The following AGBL4 variants were observed in gnomAD, a reference collection of about 807,000 sequenced individuals.
AGBL4 encodes the protein cytosolic carboxypeptidase 6.
In AGBL4, 58 loss-of-function variants were observed where a neutral mutation model predicts 66.4. The ratio of observed to expected loss-of-function variants is 0.87; its 90% CI spans 0.71 to 1.09. AGBL4 has a LOEUF of 1.09. Among genes scored for constraint, AGBL4 ranks in the 50% least tolerant of loss-of-function variants. The probability of loss-of-function intolerance (pLI) is 0.00; values close to 1 mark genes in which losing one functional copy is unlikely to be tolerated. For synonymous variants in AGBL4, 234 were observed against 222.9 expected (o/e 1.05, Z -0.44); for missense variants, 579 against 631.0 (o/e 0.92, Z 0.88).
rs535301039 is a variant in AGBL4, at chr1:49,471,669, C to A, written c.282+225644G>T. 2.4e-4 allele frequency among the ~76,000 whole-genome samples: 36 copies of A among 151,880 alleles called. 2 individuals are homozygous for A. The highest frequency in any genetic ancestry group is 7.7e-4 in the African/African-American group (32 of 41,464). ...GTAGGTACAAACAAACAAAAGCCAA[C>A]AAAAATCTGTTCCCTAGACAAAGGA... On this transcript the variant is annotated intron_variant, in intron 3 of 13. Transcript: ENST00000371839.
intron 6 of AGBL4, among the ~76,000 whole-genome samples, chr1:48,690,732 G>T (rs1179155414): frequency 6.6e-6 from 1 of 152,176 alleles, no homozygotes; most frequent in East Asian, 1.9e-4. Flanking sequence ...AGGTAGGAGA[G>T]TAAGCAAAGG....
chr1:48,610,556 T>C (rs1413526358), intron 9 of AGBL4, among the ~76,000 whole-genome samples: 2 of 152,180 alleles, frequency 1.3e-5, no homozygotes, highest in African/African-American at 4.8e-5. Context: ...AAAGATGATA[T>C]TTAAATAAAT....
At chr1:49,582,759 T>C (rs1644569209) in intron 3 of AGBL4, among the ~76,000 whole-genome samples, 1 of 152,180 alleles carries the variant, frequency 6.6e-6, no homozygotes, top group Non-Finnish European at 1.5e-5. Flanking sequence ...TGTTATCTCT[T>C]ATAGTTTTCT....
At chr1:49,954,606 T>C (rs1246607588) in intron 1 of AGBL4, among the ~76,000 whole-genome samples, 1 of 152,136 alleles carries the variant, frequency 6.6e-6, no homozygotes, top group African/African-American at 2.4e-5. Flanking sequence ...CCTCAAGTAT[T>C]CTGTTATAGT....
At chr1:49,706,839 T>C (rs987736713) in intron 2 of AGBL4, among the ~76,000 whole-genome samples, 3 of 152,174 alleles carry the variant, frequency 2.0e-5, no homozygotes, top group South Asian at 2.1e-4. Context: ...TCAGTTTCCA[T>C]GTAGTTGTAT....
intron 4 of AGBL4, among the ~76,000 whole-genome samples, chr1:49,188,896 A>G (rs952022635): frequency 2.0e-5 from 3 of 152,204 alleles, no homozygotes; most frequent in Admixed American, 6.6e-5. Flanking sequence ...AAAATCAGAA[A>G]GAACACAGTG....
chr1:49,006,113 A>G (rs1296868135), intron 5 of AGBL4, among the ~76,000 whole-genome samples: 1 of 152,056 alleles, frequency 6.6e-6, no homozygotes, highest in African/African-American at 2.4e-5. Flanking sequence ...CATCTGAGGT[A>G]CCGGGTTCAT....
chr1:49,590,622 C>A (rs1385709265), intron 3 of AGBL4, among the ~76,000 whole-genome samples: 1 of 151,924 alleles, frequency 6.6e-6, no homozygotes, highest in African/African-American at 2.4e-5. Context: ...AAAATGAATA[C>A]ATAGAAAAAT....
intron 6 of AGBL4, among the ~76,000 whole-genome samples, chr1:48,666,234 C>G (rs1028828732): frequency 1.3e-5 from 2 of 152,146 alleles, no homozygotes; most frequent in Non-Finnish European, 2.9e-5. Flanking sequence ...ACCCCACCCC[C>G]TCCTGTCACC....
At chr1:49,324,231 GA>G (rs1451630565) in intron 3 of AGBL4, among the ~76,000 whole-genome samples, 1 of 152,140 alleles carries the variant, frequency 6.6e-6, no homozygotes, top group Non-Finnish European at 1.5e-5. Flanking sequence ...AATGTCTTCT[GA>G]AGAAAAAAGA....
At chr1:49,730,429 G>A (rs143575642) in intron 2 of AGBL4, among the ~76,000 whole-genome samples, 6 of 152,198 alleles carry the variant, frequency 3.9e-5, no homozygotes, top group South Asian at 4.2e-4. Flanking sequence ...CCCAGACCTC[G>A]GGACTCCCCA....
chr1:49,257,718 C>T (rs1347349199), intron 3 of AGBL4, among the ~76,000 whole-genome samples: 5 of 152,212 alleles, frequency 3.3e-5, no homozygotes, highest in Non-Finnish European at 5.9e-5. Context: ...GAGATGAACC[C>T]GGTACCTCAG....
At chr1:49,241,867 GA>G (rs1433789297) in intron 4 of AGBL4, among the ~76,000 whole-genome samples, 1 of 151,962 alleles carries the variant, frequency 6.6e-6, no homozygotes, top group Non-Finnish European at 1.5e-5. Context: ...ACGCTGGGAG[GA>G]AGTATTATTA....
At chr1:48,633,294 T>G (rs1168804287) in intron 9 of AGBL4, among the ~76,000 whole-genome samples, 1 of 152,230 alleles carries the variant, frequency 6.6e-6, no homozygotes, top group Non-Finnish European at 1.5e-5. Flanking sequence ...TTCTATCTGA[T>G]CAATACCTAT....
intron 4 of AGBL4, among the ~76,000 whole-genome samples, chr1:49,126,851 A>C (rs1482303219): frequency 6.6e-6 from 1 of 152,168 alleles, no homozygotes; most frequent in East Asian, 1.9e-4. Flanking sequence ...TATATCAAAA[A>C]ATACAGTACA....
chr1:48,651,491 C>T (rs965576439), intron 8 of AGBL4, among the ~76,000 whole-genome samples: 1 of 152,172 alleles, frequency 6.6e-6, no homozygotes, highest in African/African-American at 2.4e-5. Context: ...TAAACAGAAA[C>T]ATTAGCATAA....
intron 3 of AGBL4, among the ~76,000 whole-genome samples, chr1:49,473,841 C>G (rs1420448670): frequency 1.3e-5 from 2 of 152,030 alleles, no homozygotes; most frequent in African/African-American, 4.8e-5. Context: ...TTTCACTCTG[C>G]TGTATGTGGT....
chr1:48,880,436 A>G (rs1036738343), intron 5 of AGBL4, among the ~76,000 whole-genome samples: 3 of 152,108 alleles, frequency 2.0e-5, no homozygotes, highest in African/African-American at 7.2e-5. Context: ...TACATGTGCA[A>G]TTATCTTTTT....
chr1:49,156,422 C>G (rs891762068), intron 4 of AGBL4, among the ~76,000 whole-genome samples: 31 of 152,186 alleles, frequency 2.0e-4, no homozygotes. Flanking sequence ...CATTTATTAT[C>G]TCTCACAGTG....
Sources: allele counts gnomAD v4.1 joint callset (sites outside exome capture counted in the v4.1 genomes callset), GRCh38; gene constraint gnomAD v4.1.1; transcripts MANE v1.5; gene names NCBI Gene and HGNC (gene_info 2026-07-23, HGNC 2026-07-21).